ARHGEF26: variants seen among roughly 807,000 people sequenced by gnomAD.
ARHGEF26 encodes Rho guanine nucleotide exchange factor 26, also known as Rho guanine nucleotide exchange factor (GEF) 26.
Under a neutral mutation model 89.4 loss-of-function variants are expected in ARHGEF26, and 59 were observed. The ratio of observed to expected loss-of-function variants is 0.66; its 90% CI spans 0.54 to 0.82. The LOEUF (loss-of-function observed/expected upper bound fraction) is 0.82. Among genes scored for constraint, ARHGEF26 ranks in the 40% least tolerant of loss-of-function variants. ARHGEF26 has a pLI of 0.00. For missense variants in ARHGEF26, 1,234 were observed against 1,085.6 expected, an observed-to-expected ratio of 1.14 and a Z score of -1.92; for synonymous variants, 500 against 428.4, an observed-to-expected ratio of 1.17 and a Z score of -2.06.
rs141361258 is a variant in ARHGEF26, at chr3:154,137,947, A to G, written c.1269+8228A>G. ...AGATAATGCTGCTCTCAATTTGGCA[A>G]TACTCTTCTGAAAATCCACATATAT... On this transcript the variant is annotated intron_variant, in intron 4 of 14. Transcript: ENST00000465093. Among the ~76,000 whole-genome samples the G allele has an allele frequency of 2.0e-5, 3 of 152,290 alleles. No homozygotes were observed. In the East Asian group the frequency reaches 5.8e-4, roughly 29 times the overall value.
chr3:154,199,325 C>T (rs1420639862), intron 9 of ARHGEF26, among the ~76,000 whole-genome samples: 2 of 152,022 alleles, frequency 1.3e-5, no homozygotes, highest in African/African-American at 4.8e-5. Flanking sequence ...GTTTGTCTTT[C>T]TGTGTCTGGC....
At position 154,255,328 on chromosome 3, in the gene ARHGEF26, C is replaced by G; in HGVS notation, c.2474-3C>G. 1 of 1,610,756 alleles carries G rather than the reference C, an allele frequency of 6.2e-7. No individual in the cohort carries two copies. Among genetic ancestry groups the G allele is most frequent in the African/African-American group, 1.3e-5 (1 of 74,784 alleles). ...TTGGTGTGGACTCTGTTCTTTTTCA[C>G]AGGCTGGTATGAGGGGGAACGACTA... is the stretch of plus-strand genomic sequence containing the variant. On this transcript the variant is annotated splice_polypyrimidine_tract_variant and splice_region_variant and intron_variant, in intron 14 of 14. Coordinates refer to ENST00000465093, the MANE Select transcript of ARHGEF26 (RefSeq NM_015595.4).
intron 3 of ARHGEF26, among the ~76,000 whole-genome samples, chr3:154,128,450 G>A (rs1718467380): frequency 6.6e-6 from 1 of 152,078 alleles, no homozygotes; most frequent in Non-Finnish European, 1.5e-5. Context: ...TGTTGCCCAG[G>A]CTGGTCTCGA....
In ARHGEF26 at chr3:154,256,630, T is replaced by A; in HGVS notation, c.*1157T>A. ...CGTGAGGCTGCTTTGCCTTCAATAA[T>A]ACCTAGTTTTCAGCTGTTCCAACTC... is the stretch of plus-strand genomic sequence containing the variant. On this transcript the variant is annotated 3_prime_UTR_variant, in exon 15 of 15. Coordinates refer to ENST00000465093, the MANE Select transcript of ARHGEF26 (RefSeq NM_015595.4). The A allele has an allele frequency of 9.6e-7, 1 of 1,042,894 alleles. No homozygotes were observed. Among genetic ancestry groups the A allele is most frequent in the Non-Finnish European group, 1.1e-6 (1 of 873,962 alleles). The allele number at this position is 1,042,894 out of a possible 1,614,324, so 64.6% of individuals were successfully genotyped here.
At chr3:154,199,954 A>G (rs1264155670) in intron 9 of ARHGEF26, among the ~76,000 whole-genome samples, 2 of 152,048 alleles carry the variant, frequency 1.3e-5, no homozygotes, top group African/African-American at 4.8e-5. Context: ...TATTCTGGTT[A>G]TTAATCCCTT....
intron 7 of ARHGEF26, among the ~76,000 whole-genome samples, chr3:154,188,039 C>A (rs907663868): frequency 1.3e-5 from 2 of 152,134 alleles, no homozygotes; most frequent in Middle Eastern, 6.3e-3. Flanking sequence ...AATTTTCTCT[C>A]TTACGAAATT....
chr3:154,134,896 T>C (rs1012802152), intron 4 of ARHGEF26, among the ~76,000 whole-genome samples: 2 of 152,218 alleles, frequency 1.3e-5, no homozygotes, highest in Non-Finnish European at 2.9e-5. Flanking sequence ...GATTTGTGCA[T>C]GTTGAACCAA....
rs1439723895 is a variant in ARHGEF26, at chr3:154,129,662, T to A, written c.1212T>A (p.Asp404Glu). Residue 404 changes from aspartate to glutamate, a missense_variant, in exon 4 of 15, where the codon GAT becomes GAA. By Grantham distance (45) the Asp-to-Glu change is conservative (BLOSUM62 2). Coordinates refer to ENST00000465093, the MANE Select transcript of ARHGEF26 (RefSeq NM_015595.4). ...CAGAGCCCAAAGAACAGAAGTCAGA[T>A]GAAAAAATTGTGATTCACCATAAGC... ...EESEPKEQKS[D>E]EKIVIHHKPL... 6.2e-7 allele frequency: 1 copy of A among 1,612,076 alleles called. No homozygotes were observed. Among genetic ancestry groups the A allele is most frequent in the Admixed American group, 1.7e-5 (1 of 59,824 alleles).
At chr3:154,200,662 A>G (rs1714570826) in intron 9 of ARHGEF26, among the ~76,000 whole-genome samples, 1 of 151,466 alleles carries the variant, frequency 6.6e-6, no homozygotes. Context: ...TGGACTTTTT[A>G]ATAATTTTAA....
intron 8 of ARHGEF26, among the ~76,000 whole-genome samples, chr3:154,194,077 C>T (rs182182199): frequency 7.0e-4 from 106 of 152,164 alleles, no homozygotes; most frequent in Middle Eastern, 3.4e-3. Flanking sequence ...TTCTGCCTGC[C>T]TTGGCTTTCC....
chr3:154,123,976 T>TA (rs1334860784), intron 2 of ARHGEF26, among the ~76,000 whole-genome samples: 1 of 152,246 alleles, frequency 6.6e-6, no homozygotes, highest in East Asian at 1.9e-4. Flanking sequence ...GGAACCAGTC[T>TA]ATATAAATGG....
intron 11 of ARHGEF26, among the ~76,000 whole-genome samples, chr3:154,231,525 T>G (rs1394023095): frequency 6.6e-6 from 1 of 152,154 alleles, no homozygotes; most frequent in Non-Finnish European, 1.5e-5. Context: ...CTTACTACAG[T>G]GAATATGAAT....
intron 11 of ARHGEF26, among the ~76,000 whole-genome samples, chr3:154,233,024 G>A (rs1415628297): frequency 2.6e-5 from 4 of 151,718 alleles, no homozygotes; most frequent in African/African-American, 9.7e-5. Context: ...GTAAAGACGG[G>A]GTTTTACCAT....
At position 154,254,625 on chromosome 3, in the gene ARHGEF26, T is replaced by C. The variant is rs1009795386; in HGVS notation, c.2369-95T>C. ...AACTTGTTTCTCTCAATGCTGGCCCTGAATTGCAGAGAAAAATAAGTAAGT... is the reference window on the plus strand; with the variant it reads ...AACTTGTTTCTCTCAATGCTGGCCCCGAATTGCAGAGAAAAATAAGTAAGT... On this transcript the variant is annotated intron_variant, in intron 13 of 14. Coordinates refer to ENST00000465093, the MANE Select transcript of ARHGEF26 (RefSeq NM_015595.4). 65 of 934,864 alleles carry C rather than the reference T, an allele frequency of 7.0e-5. No individual in the cohort carries two copies. In the Admixed American group the frequency reaches 1.2e-3, roughly 18 times the overall value. 57.9% of individuals were successfully genotyped at this position (934,864 alleles called of 1,614,324 possible).
At chr3:154,254,918 C>A in intron 14 of ARHGEF26, 94 bp downstream of exon 14, 2 of 965,198 alleles carry the variant, frequency 2.1e-6, no homozygotes, top group Non-Finnish European at 3.2e-6. Context: ...GCCCATATTC[C>A]AAATCTTGAC....
At chr3:154,255,193 C>T in intron 14 of ARHGEF26, 138 bp from the exon 15 acceptor site, 2 of 885,260 alleles carry the variant, frequency 2.3e-6, no homozygotes, top group South Asian at 3.5e-5. Context: ...CCCTCGAAAG[C>T]TTTCCCTGTC....
At position 154,256,344 on chromosome 3, in the gene ARHGEF26, T is replaced by C; in HGVS notation, c.*871T>C. The C allele has an allele frequency of 1.2e-6, 1 of 858,258 alleles. No homozygotes were observed. The highest frequency in any genetic ancestry group is 1.4e-6 in the Non-Finnish European group (1 of 714,904). The allele number at this position is 858,258 out of a possible 1,614,324, so 53.2% of individuals were successfully genotyped here. A position where few individuals can be genotyped will look rare whatever the true frequency, so the allele number is the denominator to read the frequency against. ...TTCAAGTGATTCTCCTGCCTCAGCC[T>C]CCCAAGTAGCTGGGATTGTAAGAGT... On this transcript the variant is annotated 3_prime_UTR_variant, in exon 15 of 15. Transcript: ENST00000465093.
At chr3:154,199,727 T>G (rs1400882708) in intron 9 of ARHGEF26, among the ~76,000 whole-genome samples, 1 of 152,152 alleles carries the variant, frequency 6.6e-6, no homozygotes, top group Non-Finnish European at 1.5e-5. Flanking sequence ...CCAGCATTTG[T>G]TATTGCCTGT....
intron 11 of ARHGEF26, among the ~76,000 whole-genome samples, chr3:154,239,299 A>AGTGTGTGTGTGTGTGTGT (rs142191516): frequency 1.6e-5 from 1 of 64,256 alleles, no homozygotes; most frequent in South Asian, 7.4e-4. Context: ...AGAGAGAGAG[A>AGTGTGTGTGTGTGTGTGT]GTGTGTGTGT....
Sources: allele counts gnomAD v4.1 joint callset (sites outside exome capture counted in the v4.1 genomes callset), GRCh38; gene constraint gnomAD v4.1.1; transcripts MANE v1.5; gene names NCBI Gene and HGNC (gene_info 2026-07-23, HGNC 2026-07-21).